LRMDA: variants seen among roughly 807,000 people sequenced by gnomAD.
The protein encoded by LRMDA is leucine rich melanocyte differentiation associated.
LRMDA carries 18 observed loss-of-function variants against 29.8 expected under a neutral mutation model. The ratio of observed to expected loss-of-function variants is 0.60; its 90% CI spans 0.42 to 0.90. The LOEUF (loss-of-function observed/expected upper bound fraction) is 0.90, where lower values mean the gene tolerates loss of function less well. LRMDA is among the 40% of genes least tolerant of loss of function. The pLI, the probability that LRMDA is intolerant of heterozygous loss-of-function variation, is 0.00. For missense variants in LRMDA, 273 were observed against 273.9 expected (o/e 1.00, Z 0.02); for synonymous variants, 125 against 109.4 (o/e 1.14, Z -0.89).
At chr10:76,127,157 G>A (rs1026026609) in intron 5 of LRMDA, among the ~76,000 whole-genome samples, 1 of 152,200 alleles carries the variant, frequency 6.6e-6, no homozygotes, top group African/African-American at 2.4e-5. Flanking sequence ...GCTTGTGCAA[G>A]TAGAAATAAG....
intron 6 of LRMDA, among the ~76,000 whole-genome samples, chr10:76,395,343 A>G (rs1424762367): frequency 6.6e-6 from 1 of 152,214 alleles, no homozygotes; most frequent in African/African-American, 2.4e-5. Flanking sequence ...CTTTGGATTC[A>G]TAGCCCAACA....
At chr10:76,401,073 T>C (rs1346717505) in intron 6 of LRMDA, among the ~76,000 whole-genome samples, 1 of 152,172 alleles carries the variant, frequency 6.6e-6, no homozygotes, top group East Asian at 1.9e-4. Context: ...ATTTTCAGCT[T>C]AGGGATACTC....
At chr10:75,549,403 G>A (rs748350626) in intron 2 of LRMDA, among the ~76,000 whole-genome samples, 3 of 152,012 alleles carry the variant, frequency 2.0e-5, no homozygotes, top group Non-Finnish European at 4.4e-5. Context: ...GGGTGTCCTG[G>A]AACCAATCTC....
At chr10:75,963,366 T>C (rs1346402289) in intron 2 of LRMDA, among the ~76,000 whole-genome samples, 3 of 152,240 alleles carry the variant, frequency 2.0e-5, no homozygotes, top group East Asian at 3.8e-4. Context: ...AAGCTGTACA[T>C]AGAATATTGC....
intron 6 of LRMDA, among the ~76,000 whole-genome samples, chr10:76,371,415 AT>A (rs1230292791): frequency 1.3e-5 from 2 of 151,034 alleles, no homozygotes; most frequent in East Asian, 2.0e-4. Context: ...AACACACTTT[AT>A]TTTTTTTTCT....
At chr10:76,390,730 G>T (rs1841713777) in intron 6 of LRMDA, among the ~76,000 whole-genome samples, 1 of 152,062 alleles carries the variant, frequency 6.6e-6, no homozygotes, top group African/African-American at 2.4e-5. Flanking sequence ...ACAGTAGGGG[G>T]TAGGGGAACC....
At position 75,755,419 on chromosome 10, in the gene LRMDA, G is replaced by A. The variant is rs182280888; in HGVS notation, c.132-280589G>A. 7.5e-4 allele frequency among the ~76,000 whole-genome samples: 114 copies of A among 152,340 alleles called. 1 individual carries two copies. Among genetic ancestry groups the A allele is most frequent in the African/African-American group, 2.6e-3 (107 of 41,572 alleles). ...ATGATTAGGAACTCCATTAGTTGGGGTTGGGGGCAAGTTTTTGAACAGTGA... is the reference window on the plus strand; with the variant it reads ...ATGATTAGGAACTCCATTAGTTGGGATTGGGGGCAAGTTTTTGAACAGTGA... On this transcript the variant is annotated intron_variant, in intron 2 of 6. Transcript: ENST00000611255.
intron 5 of LRMDA, among the ~76,000 whole-genome samples, chr10:76,249,180 T>G (rs1161461527): frequency 6.6e-6 from 1 of 152,214 alleles, no homozygotes; most frequent in Non-Finnish European, 1.5e-5. Context: ...ACTCAGATAT[T>G]ACTCCCCATT....
intron 2 of LRMDA, among the ~76,000 whole-genome samples, chr10:75,610,202 A>C (rs1275433346): frequency 6.6e-6 from 1 of 152,232 alleles, no homozygotes; most frequent in Non-Finnish European, 1.5e-5. Flanking sequence ...AAGGTGGTGC[A>C]ACTGTCACCA....
Position 76,299,600 on chromosome 10 carries a change from TTTC to T in LRMDA, c.517-24798_517-24796del, listed in dbSNP as rs1383595903. On this transcript the variant is annotated intron_variant, in intron 5 of 6. Transcript: ENST00000611255. ...AATGCCTTTGAACCACCCCCCTTCC[TTTC>T]TTTTTTTTTTTTTTTATGGGACTCA... is the stretch of plus-strand genomic sequence containing the variant. Among the ~76,000 whole-genome samples, 359 of 93,340 alleles carry T rather than the reference TTTC, an allele frequency of 3.8e-3. 4 individuals are homozygous for T. The highest frequency in any genetic ancestry group is 5.5e-3 in the Admixed American group (55 of 10,024). 61.2% of individuals were successfully genotyped at this position (93,340 alleles called of 152,430 possible).
chr10:75,804,229 T>G (rs1843808271), intron 2 of LRMDA, among the ~76,000 whole-genome samples: 2 of 152,204 alleles, frequency 1.3e-5, no homozygotes, highest in Admixed American at 1.3e-4. Flanking sequence ...CTAAGAGTTC[T>G]CCTATTGACA....
chr10:76,536,257 A>G (rs1218033904), intron 6 of LRMDA, among the ~76,000 whole-genome samples: 1 of 152,236 alleles, frequency 6.6e-6, no homozygotes, highest in East Asian at 1.9e-4. Context: ...TGTGCAGTCC[A>G]TAGTAACATT....
chr10:75,735,224 A>G (rs1672040318), intron 2 of LRMDA, among the ~76,000 whole-genome samples: 2 of 152,184 alleles, frequency 1.3e-5, no homozygotes, highest in Admixed American at 1.3e-4. Flanking sequence ...AACGTGGTAT[A>G]TTATTCAGAA....
intron 2 of LRMDA, among the ~76,000 whole-genome samples, chr10:75,806,377 A>T (rs1324484072): frequency 6.6e-6 from 1 of 152,192 alleles, no homozygotes; most frequent in Non-Finnish European, 1.5e-5. Context: ...ACTTTGCTTT[A>T]GTTGTTCATG....
At chr10:76,434,331 C>G (rs954406054) in intron 6 of LRMDA, among the ~76,000 whole-genome samples, 1 of 151,864 alleles carries the variant, frequency 6.6e-6, no homozygotes, top group African/African-American at 2.4e-5. Context: ...TTTACTCTCT[C>G]TCTCTCTCTT....
intron 2 of LRMDA, among the ~76,000 whole-genome samples, chr10:75,622,539 T>A (rs1309876732): frequency 1.3e-5 from 2 of 152,192 alleles, no homozygotes; most frequent in Non-Finnish European, 2.9e-5. Context: ...CACCTTGTCT[T>A]GAGTAATGAG....
chr10:75,663,108 C>T (rs1302170736), intron 2 of LRMDA, among the ~76,000 whole-genome samples: 2 of 152,138 alleles, frequency 1.3e-5, no homozygotes, highest in Non-Finnish European at 2.9e-5. Context: ...GGAAGCCAAG[C>T]TATTTTTAGG....
chr10:76,146,532 T>C (rs1278136030), intron 5 of LRMDA, among the ~76,000 whole-genome samples: 2 of 152,098 alleles, frequency 1.3e-5, no homozygotes, highest in African/African-American at 4.8e-5. Context: ...TTTTTTGTTT[T>C]CCATTTGCTT....
At chr10:76,204,035 ATCTCTATTCCATGTGCCTGTCCACCCG>A (rs1381138702) in intron 5 of LRMDA, among the ~76,000 whole-genome samples, 9 of 135,426 alleles carry the variant, frequency 6.6e-5, no homozygotes, top group African/African-American at 1.7e-4. Context: ...CTGTCCACCC[ATCTCTATTCCATGTGCCTGTCCACCCG>A]TCTCTATTCC....
Sources: gnomAD v4.1 joint callset for allele counts (sites outside exome capture counted in the v4.1 genomes callset) on GRCh38, gnomAD v4.1.1 for gene constraint, MANE v1.5 for transcripts, NCBI Gene and HGNC (gene_info 2026-07-23, HGNC 2026-07-21) for gene names.